The following AKNA variants were observed in gnomAD, a reference collection of about 807,000 sequenced individuals.
AKNA encodes AT-hook transcription factor, also known as microtubule organization protein AKNA.
Under a neutral mutation model 138.8 loss-of-function variants are expected in AKNA, and 67 were observed. The observed-to-expected ratio is 0.48, with a 90% CI of 0.40 to 0.59. The LOEUF (loss-of-function observed/expected upper bound fraction) is 0.59, where lower values mean the gene tolerates loss of function less well. Ranked by LOEUF, AKNA falls within the 20% of genes least tolerant of loss-of-function variation. The pLI is 0.00. For synonymous variants in AKNA, 737 were observed against 754.4 expected (o/e 0.98, Z 0.38); for missense variants, 1,813 against 1,880.4 (o/e 0.96, Z 0.66).
intron 4 of AKNA, among the ~76,000 whole-genome samples, chr9:114,372,536 C>T (rs955012387): frequency 6.6e-6 from 1 of 152,134 alleles, no homozygotes; most frequent in Non-Finnish European, 1.5e-5. Flanking sequence ...GACTCATGCC[C>T]TTAAACGAGT....
intron 14 of AKNA, among the ~76,000 whole-genome samples, chr9:114,355,126 C>T (rs1831398988): frequency 6.6e-6 from 1 of 150,634 alleles, no homozygotes; most frequent in African/African-American, 2.4e-5. Flanking sequence ...CCTTGGCCTC[C>T]CAAAGTGCTG....
intron 9 of AKNA, 80 bp from the exon 10 acceptor site, chr9:114,360,142 C>G: frequency 1.3e-6 from 2 of 1,582,038 alleles, no homozygotes; most frequent in Non-Finnish European, 1.7e-6. Context: ...CTGCCAGGCT[C>G]GAGCTGTGGG....
intron 12 of AKNA, 94 bp from the exon 13 acceptor site, chr9:114,357,063 G>A: frequency 9.0e-7 from 1 of 1,117,070 alleles, no homozygotes; most frequent in Non-Finnish European, 1.3e-6. Context: ...ACCTCCCAGA[G>A]GCTCACACCC....
At chr9:114,337,715 C>T (rs10982171) in intron 21 of AKNA, among the ~76,000 whole-genome samples, 49,060 of 151,800 alleles carry the variant, frequency 0.32, 8,886 homozygotes, top group East Asian at 0.55. Context: ...AAAACCCCCT[C>T]ATGGAAGAAT....
rs1832539149 is a variant in AKNA, at chr9:114,368,513, A to C, written c.1499T>G (p.Phe500Cys). The change falls in exon 5 of 22, where the codon TTC becomes TGC. Residue 500 changes from phenylalanine to cysteine, a missense_variant. Phe to Cys is a radical substitution (Grantham distance 205, BLOSUM62 -2). Transcript: ENST00000374088. ...TGCAGAGCGGGGCTGTGGGATGGTG[A>C]AGGACAAGACCTTGGTCCCCTGGGG... is the stretch of plus-strand genomic sequence containing the variant. ...MVPQGTKVLS[F>C]TIPQPRSAEW... The C allele has an allele frequency of 2.2e-6, 3 of 1,374,076 alleles. No homozygotes were observed. The highest frequency in any genetic ancestry group is 4.2e-5 in the South Asian group (2 of 47,984). 85.1% of individuals were successfully genotyped at this position (1,374,076 alleles called of 1,614,324 possible).
At chr9:114,378,236 C>A (rs1833387111) in intron 2 of AKNA, among the ~76,000 whole-genome samples, 1 of 152,196 alleles carries the variant, frequency 6.6e-6, no homozygotes, top group Non-Finnish European at 1.5e-5. Flanking sequence ...CCGAGGGATT[C>A]TCTCCCCTCC....
At chr9:114,386,340 A>AT (rs971672838) in intron 1 of AKNA, among the ~76,000 whole-genome samples, 1 of 152,108 alleles carries the variant, frequency 6.6e-6, no homozygotes, top group Non-Finnish European at 1.5e-5. Flanking sequence ...AACAATGAGG[A>AT]TTTGGGGGAG....
At chr9:114,350,169 G>A (rs1295833803) in intron 15 of AKNA, among the ~76,000 whole-genome samples, 1 of 152,122 alleles carries the variant, frequency 6.6e-6, no homozygotes, top group African/African-American at 2.4e-5. Flanking sequence ...CTGATGTCAG[G>A]GGAGGCTGCA....
rs1168788430 is a variant in AKNA at position 114,341,559 on chromosome 9, GGGAACCGA to G, written c.4033_4040del (p.Ser1345HisfsTer120). The G allele has an allele frequency of 1.3e-5, 21 of 1,614,010 alleles. No homozygotes were observed. Among genetic ancestry groups the G allele is most frequent in the Non-Finnish European group, 1.8e-5 (21 of 1,180,026 alleles). ...CAGCGGCAGGTGGATAAGGCATGAT[GGGAACCGA>G]GGAGATGTAGGCAAAGGCTGGAGGG... On this transcript the variant is annotated frameshift_variant, in exon 21 of 22. Coordinates refer to ENST00000374088, the MANE Select transcript of AKNA (RefSeq NM_001317950.2). LOFTEE classifies it low-confidence loss of function (END_TRUNC).
intron 1 of AKNA, among the ~76,000 whole-genome samples, chr9:114,383,929 C>T (rs905220879): frequency 3.3e-5 from 5 of 152,132 alleles, no homozygotes; most frequent in Non-Finnish European, 5.9e-5. Flanking sequence ...CCTCTCTACC[C>T]CCAAATGCAG....
At chr9:114,373,885 C>CG (rs1554842344) in intron 4 of AKNA, among the ~76,000 whole-genome samples, 1 of 79,008 alleles carries the variant, frequency 1.3e-5, no homozygotes, top group African/African-American at 5.6e-5. Context: ...GACCCTGACT[C>CG]AAAAAAAAAA....
intron 6 of AKNA, among the ~76,000 whole-genome samples, chr9:114,366,096 TG>T (rs1832330826): frequency 1.3e-5 from 2 of 152,014 alleles, no homozygotes; most frequent in Non-Finnish European, 2.9e-5. Context: ...CTGGCCAACA[TG>T]GTGAAACCCC....
intron 20 of AKNA, 67 bp downstream of exon 20, chr9:114,341,942 G>T (rs1172482781): frequency 4.1e-6 from 6 of 1,472,382 alleles, no homozygotes; most frequent in Admixed American, 1.7e-5. Flanking sequence ...AACTCACCCA[G>T]GTCTAATAAC....
chr9:114,361,996 TC>T, intron 8 of AKNA, 85 bp from the exon 9 acceptor site: 1 of 1,393,250 alleles, frequency 7.2e-7, no homozygotes, highest in Non-Finnish European at 9.9e-7. Context: ...GAGCAGAGAC[TC>T]CAGGGGATGC....
rs371107301 is a variant in AKNA, at chr9:114,336,673, G to A, written c.*381C>T. The A allele has an allele frequency of 3.6e-5, 7 of 195,518 alleles. No individual in the cohort carries two copies. 12.1% of individuals were successfully genotyped at this position (195,518 alleles called of 1,614,324 possible). ...CCTTTCTTGTCTGGCCCCCTAAAGAGGACCCAAGATCAGGAAAACTCCCCA... is the reference window on the plus strand; with the variant it reads ...CCTTTCTTGTCTGGCCCCCTAAAGAAGACCCAAGATCAGGAAAACTCCCCA... On this transcript the variant is annotated 3_prime_UTR_variant, in exon 22 of 22. Transcript: ENST00000374088.
intron 21 of AKNA, among the ~76,000 whole-genome samples, chr9:114,339,152 C>T (rs537780344): frequency 6.6e-6 from 1 of 152,284 alleles, no homozygotes; most frequent in South Asian, 2.1e-4. Flanking sequence ...TCATACACCC[C>T]CACCTTCTGT....
downstream of AKNA, chr9:114,331,938 A>G (rs1286918181): frequency 6.2e-7 from 1 of 1,612,610 alleles, no homozygotes; most frequent in East Asian, 2.2e-5. Flanking sequence ...AGGTAAACGC[A>G]AGGGATTGGA....
At chr9:114,361,604 G>A (rs1831965478) in intron 9 of AKNA, 100 bp downstream of exon 9, 17 of 1,346,906 alleles carry the variant, frequency 1.3e-5, no homozygotes, top group Non-Finnish European at 1.8e-5. Flanking sequence ...ACTGGCATAT[G>A]GCACACACTT....
chr9:114,363,503 T>C (rs1399992101), intron 7 of AKNA, among the ~76,000 whole-genome samples: 1 of 152,248 alleles, frequency 6.6e-6, no homozygotes, highest in Non-Finnish European at 1.5e-5. Flanking sequence ...CACTGGATGA[T>C]ATTACATGAT....
Sources: gnomAD v4.1 joint callset for allele counts (sites outside exome capture counted in the v4.1 genomes callset) on GRCh38, gnomAD v4.1.1 for gene constraint, MANE v1.5 for transcripts, NCBI Gene and HGNC (gene_info 2026-07-23, HGNC 2026-07-21) for gene names.